Variants in LARGE1 observed in about 807,000 individuals in gnomAD.
LARGE1 encodes LARGE xylosyl- and glucuronyltransferase 1, also known as xylosyl- and glucuronyltransferase LARGE1.
A neutral mutation model predicts 87.6 loss-of-function variants in LARGE1; 43 were observed. The ratio of observed to expected loss-of-function variants is 0.49; its 90% CI spans 0.38 to 0.63. LARGE1 has a LOEUF of 0.63. LARGE1 is among the 30% of genes least tolerant of loss of function. The pLI is 0.00. For synonymous variants in LARGE1, 434 were observed against 394.6 expected, an observed-to-expected ratio of 1.10 and a Z score of -1.18; for missense variants, 802 against 1,000.2, an observed-to-expected ratio of 0.80 and a Z score of 2.67.
chr22:33,595,628 A>C (rs2078957538), intron 5 of LARGE1, among the ~76,000 whole-genome samples: 1 of 152,228 alleles, frequency 6.6e-6, no homozygotes, highest in South Asian at 2.1e-4. Flanking sequence ...AGTAGTGATT[A>C]CTGAGAAGAA....
intron 2 of LARGE1, among the ~76,000 whole-genome samples, chr22:33,723,665 G>A (rs992098785): frequency 5.3e-5 from 8 of 152,296 alleles, no homozygotes; most frequent in Admixed American, 3.3e-4. Flanking sequence ...GTGTACCTTA[G>A]AGAGAAAAAC....
chr22:33,582,260 C>T (rs964495535), intron 5 of LARGE1, among the ~76,000 whole-genome samples: 2 of 152,132 alleles, frequency 1.3e-5, no homozygotes, highest in Non-Finnish European at 2.9e-5. Context: ...AGGCACCTTG[C>T]TCAGAAGTAC....
chr22:33,166,493 A>G, exon 12 of LARGE1: 1 of 323,664 alleles, frequency 3.1e-6, no homozygotes, highest in Non-Finnish European at 6.1e-6. Context: ...TTCACCTGGC[A>G]TGTACCACTT....
intron 9 of LARGE1, among the ~76,000 whole-genome samples, chr22:33,342,394 C>G (rs575615331): frequency 6.6e-6 from 1 of 152,314 alleles, no homozygotes; most frequent in East Asian, 1.9e-4. Context: ...GAGACATGGT[C>G]TCATTAAATC....
At chr22:33,187,738 G>A (rs1368724346) in intron 11 of LARGE1, among the ~76,000 whole-genome samples, 1 of 151,576 alleles carries the variant, frequency 6.6e-6, no homozygotes, top group African/African-American at 2.4e-5. Flanking sequence ...CTAACACAGT[G>A]AAATCCTGTC....
chr22:33,875,538 C>G (rs2064435829), intron 1 of LARGE1, among the ~76,000 whole-genome samples: 1 of 152,204 alleles, frequency 6.6e-6, no homozygotes, highest in African/African-American at 2.4e-5. Context: ...TGGCCCTCCC[C>G]AGCCCGCCAT....
At chr22:33,484,527 A>G (rs1349830032) in intron 6 of LARGE1, among the ~76,000 whole-genome samples, 2 of 152,200 alleles carry the variant, frequency 1.3e-5, no homozygotes, top group Non-Finnish European at 2.9e-5. Flanking sequence ...GTTTGCAAGA[A>G]GGCTTTGAAG....
rs192393434 is a variant in LARGE1 at position 33,468,574 on chromosome 22, C to T, written c.788-36309G>A. 1.1e-3 allele frequency among the ~76,000 whole-genome samples: 165 copies of T among 152,262 alleles called. 1 individual carries two copies. Among genetic ancestry groups the T allele is most frequent in the African/African-American group, 3.7e-3 (153 of 41,550 alleles). On this transcript the variant is annotated intron_variant, in intron 6 of 14. Transcript: ENST00000397394. ...ATAATTCCTTTGGCAAAAAGGAGGA[C>T]ACAAAATCAAAACATTTATTGAATA... is the stretch of plus-strand genomic sequence containing the variant.
intron 1 of LARGE1, among the ~76,000 whole-genome samples, chr22:33,773,848 T>C (rs2085147987): frequency 6.6e-6 from 1 of 151,462 alleles, no homozygotes; most frequent in South Asian, 2.1e-4. Flanking sequence ...AACAACAATA[T>C]GAGATGCTAT....
At chr22:33,700,119 G>A (rs2082363559) in intron 2 of LARGE1, among the ~76,000 whole-genome samples, 2 of 152,100 alleles carry the variant, frequency 1.3e-5, no homozygotes, top group Admixed American at 6.5e-5. Context: ...ACAAATCTAC[G>A]TATTCCTTAA....
chr22:33,135,859 A>AAAT, the LARGE1 span, among the ~76,000 whole-genome samples: 2 of 149,288 alleles, frequency 1.3e-5, no homozygotes, highest in Non-Finnish European at 3.0e-5. Flanking sequence ...AAATAAAACA[A>AAAT]AATAAAATAA....
chr22:33,287,607 T>C (rs1448248374), intron 12 of LARGE1, among the ~76,000 whole-genome samples: 2 of 152,228 alleles, frequency 1.3e-5, no homozygotes, highest in Non-Finnish European at 2.9e-5. Flanking sequence ...CTTTCTGTTC[T>C]GTGTTCTGTT....
At chr22:33,855,043 G>A (rs908973090) in intron 1 of LARGE1, among the ~76,000 whole-genome samples, 5 of 152,148 alleles carry the variant, frequency 3.3e-5, no homozygotes, top group African/African-American at 1.2e-4. Flanking sequence ...GGCATATAAA[G>A]TGGGCCTTAG....
the LARGE1 span, among the ~76,000 whole-genome samples, chr22:33,077,736 C>T: frequency 4.6e-5 from 7 of 152,270 alleles, no homozygotes; most frequent in Admixed American, 1.3e-4. Flanking sequence ...GGGATTAGAA[C>T]ATTTTATGCT....
At chr22:33,095,791 C>A in the LARGE1 span, among the ~76,000 whole-genome samples, 1 of 152,186 alleles carries the variant, frequency 6.6e-6, no homozygotes, top group East Asian at 1.9e-4. Flanking sequence ...ATCGTTTCCT[C>A]CCCGTAATGT....
chr22:33,665,862 AGCCTGG>A (rs2081253163), intron 2 of LARGE1, among the ~76,000 whole-genome samples: 1 of 151,192 alleles, frequency 6.6e-6, no homozygotes, highest in African/African-American at 2.4e-5. Context: ...ACTGCACCCC[AGCCTGG>A]GCAACAGAGC....
rs564397240 is a variant in LARGE1 at position 33,758,634 on chromosome 22, G to C, written c.106+2737C>G. Among the ~76,000 whole-genome samples the C allele has an allele frequency of 7.2e-5, 11 of 152,258 alleles. No homozygotes were observed. In the South Asian group the frequency reaches 1.2e-3, roughly 17 times the overall value. ...TTTCCCATAATCTATCTGCCAGTCT[G>C]GTGAAATTGCTCAAAGTTAGTGATC... On this transcript the variant is annotated intron_variant, in intron 2 of 14. Transcript: ENST00000397394.
chr22:33,332,081 T>C (rs753833807), intron 10 of LARGE1, among the ~76,000 whole-genome samples: 4 of 152,160 alleles, frequency 2.6e-5, no homozygotes, highest in Non-Finnish European at 5.9e-5. Context: ...GCTAGAACAC[T>C]AGCCCTGTGT....
chr22:33,206,700 C>T (rs1476202434), intron 11 of LARGE1, among the ~76,000 whole-genome samples: 1 of 152,204 alleles, frequency 6.6e-6, no homozygotes, highest in East Asian at 1.9e-4. Context: ...GGTCTCTGCT[C>T]CTCCATAATA....
Sources: allele counts gnomAD v4.1 joint callset (sites outside exome capture counted in the v4.1 genomes callset), GRCh38; gene constraint gnomAD v4.1.1; transcripts MANE v1.5; gene names NCBI Gene and HGNC (gene_info 2026-07-23, HGNC 2026-07-21).